Variants in CAMK4 observed in about 807,000 individuals in gnomAD.
The protein encoded by CAMK4 is calcium/calmodulin-dependent protein kinase type IV.
A neutral mutation model predicts 44.9 loss-of-function variants in CAMK4; 22 were observed. The observed-to-expected ratio is 0.49, with a 90% confidence interval of 0.35 to 0.70. The LOEUF (loss-of-function observed/expected upper bound fraction) is 0.70, where lower values mean the gene tolerates loss of function less well. Among genes scored for constraint, CAMK4 ranks in the 30% least tolerant of loss-of-function variants. The pLI is 0.01. For synonymous variants in CAMK4, 218 were observed against 215.4 expected, an observed-to-expected ratio of 1.01 and a Z score of -0.11; for missense variants, 498 against 586.8, an observed-to-expected ratio of 0.85 and a Z score of 1.56.
chr5:111,230,111 G>A (rs1444203926), intron 1 of CAMK4, among the ~76,000 whole-genome samples: 2 of 152,106 alleles, frequency 1.3e-5, no homozygotes, highest in Non-Finnish European at 2.9e-5. Context: ...AGTGACCCTA[G>A]GATAAGGAGA....
At chr5:111,253,270 G>C (rs1749598649) in intron 1 of CAMK4, among the ~76,000 whole-genome samples, 1 of 152,170 alleles carries the variant, frequency 6.6e-6, no homozygotes, top group Non-Finnish European at 1.5e-5. Context: ...GGACCTTCGG[G>C]TTCTGGCAGC....
At chr5:111,401,229 C>T (rs1008314194) in intron 5 of CAMK4, among the ~76,000 whole-genome samples, 2 of 152,124 alleles carry the variant, frequency 1.3e-5, no homozygotes, top group African/African-American at 4.8e-5. Context: ...AGCTCTGCCT[C>T]CTGGGTTCAA....
chr5:111,287,953 G>A (rs899068580), intron 1 of CAMK4, among the ~76,000 whole-genome samples: 3 of 152,244 alleles, frequency 2.0e-5, no homozygotes, highest in East Asian at 1.9e-4. Flanking sequence ...TATCCCTTTC[G>A]TTTTTATGGT....
chr5:111,317,201 G>A (rs1231471283), intron 1 of CAMK4, among the ~76,000 whole-genome samples: 1 of 152,062 alleles, frequency 6.6e-6, no homozygotes, highest in African/African-American at 2.4e-5. Context: ...GAAATTATAG[G>A]TCAGGCTAAT....
rs1002323080 is a variant in CAMK4 at position 111,487,739 on chromosome 5, A to G, written c.*3273A>G. 2.0e-5 allele frequency: 3 copies of G among 152,180 alleles called. No homozygotes were observed. Among genetic ancestry groups the G allele is most frequent in the Non-Finnish European group, 2.9e-5 (2 of 68,024 alleles). The allele number at this position is 152,180 out of a possible 1,614,324, so 9.4% of individuals were successfully genotyped here. On this transcript the variant is annotated 3_prime_UTR_variant, in exon 11 of 11. Coordinates refer to ENST00000282356, the MANE Select transcript of CAMK4 (RefSeq NM_001744.6). ...TAGTCACATGTGGCTAGTGGCTACC[A>G]TATTAGACAGCACTAGTCTAGAGTA... is the stretch of plus-strand genomic sequence containing the variant.
chr5:111,399,033 A>C (rs1752125221), intron 5 of CAMK4, among the ~76,000 whole-genome samples: 1 of 152,126 alleles, frequency 6.6e-6, no homozygotes, highest in Admixed American at 6.6e-5. Flanking sequence ...TAAATCATAC[A>C]TCAATTATAT....
In CAMK4 at chr5:111,290,535, G is replaced by C. The variant is rs1274113206; in HGVS notation, c.162-53489G>C. Reference sequence around the variant, plus strand: ...AATCCATGGGACTATCCCCTGAGAAGTCTTATAAACTGCTGCTCAGAACCA... The same window carrying C: ...AATCCATGGGACTATCCCCTGAGAACTCTTATAAACTGCTGCTCAGAACCA... On this transcript the variant is annotated intron_variant, in intron 1 of 10. Transcript: ENST00000282356. The surrounding 1 kb of genome is among the most constrained non-coding windows in gnomAD (Gnocchi z 4.5). Among the ~76,000 whole-genome samples the C allele has an allele frequency of 6.6e-6, 1 of 152,190 alleles. No individual in the cohort carries two copies. Among genetic ancestry groups the C allele is most frequent in the Non-Finnish European group, 1.5e-5 (1 of 68,044 alleles).
At chr5:111,319,943 T>C (rs1748588191) in intron 1 of CAMK4, among the ~76,000 whole-genome samples, 1 of 152,120 alleles carries the variant, frequency 6.6e-6, no homozygotes, top group Admixed American at 6.6e-5. Context: ...TAGGCATGTA[T>C]GTGAATCAAC....
At chr5:111,348,126 G>T (rs1014861531) in intron 2 of CAMK4, among the ~76,000 whole-genome samples, 5 of 151,766 alleles carry the variant, frequency 3.3e-5, no homozygotes, top group African/African-American at 4.8e-5. Context: ...TTTTTCCATG[G>T]GAGTTTACCC....
At chr5:111,377,025 C>G (rs1194771130) in intron 4 of CAMK4, 83 bp downstream of exon 4, 1 of 822,574 alleles carries the variant, frequency 1.2e-6, no homozygotes, top group African/African-American at 1.7e-5. Flanking sequence ...TCTCCTGAAA[C>G]TTTTTATAAT....
At chr5:111,439,009 A>G (rs1301529122) in intron 5 of CAMK4, among the ~76,000 whole-genome samples, 1 of 152,200 alleles carries the variant, frequency 6.6e-6, no homozygotes, top group Non-Finnish European at 1.5e-5. Context: ...TGCCTCTTAA[A>G]GGGTCATGCT....
At chr5:111,344,724 C>T (rs1749798856) in intron 2 of CAMK4, among the ~76,000 whole-genome samples, 2 of 151,676 alleles carry the variant, frequency 1.3e-5, no homozygotes, top group South Asian at 4.1e-4. Context: ...GCCCTACACT[C>T]ATAGATAAGC....
intron 1 of CAMK4, among the ~76,000 whole-genome samples, chr5:111,265,160 T>A (rs1487375264): frequency 6.6e-6 from 1 of 152,184 alleles, no homozygotes; most frequent in Non-Finnish European, 1.5e-5. Flanking sequence ...TTATATACTC[T>A]GCTATAACCC....
At chr5:111,452,290 C>A (rs31317) in intron 7 of CAMK4, among the ~76,000 whole-genome samples, 8,143 of 152,192 alleles carry the variant, frequency 0.054, 298 homozygotes, top group Non-Finnish European at 0.082. Context: ...TTAGAAAGGT[C>A]GGATGGACCA....
intron 1 of CAMK4, among the ~76,000 whole-genome samples, chr5:111,270,961 C>G (rs1750485631): frequency 6.6e-6 from 1 of 152,142 alleles, no homozygotes; most frequent in Non-Finnish European, 1.5e-5. Flanking sequence ...GAAGGGGAAA[C>G]TGGCACCTTC....
chr5:111,396,731 C>G (rs1752027569), intron 5 of CAMK4, among the ~76,000 whole-genome samples: 1 of 146,340 alleles, frequency 6.8e-6, no homozygotes, highest in East Asian at 2.0e-4. Flanking sequence ...ACCTCTGCCT[C>G]CCAGGTTGAA....
chr5:111,477,984 T>G (rs566440632), intron 8 of CAMK4, among the ~76,000 whole-genome samples: 1 of 152,210 alleles, frequency 6.6e-6, no homozygotes, highest in Admixed American at 6.5e-5. Flanking sequence ...CTATTCAATC[T>G]CTGTCTGCCT....
intron 5 of CAMK4, among the ~76,000 whole-genome samples, chr5:111,410,632 A>G (rs1054904056): frequency 3.9e-5 from 6 of 152,196 alleles, no homozygotes; most frequent in Admixed American, 1.3e-4. Flanking sequence ...CTTAGGGAAT[A>G]AAGTTCTGTT....
At chr5:111,310,032 C>T (rs1309752807) in intron 1 of CAMK4, among the ~76,000 whole-genome samples, 2 of 152,148 alleles carry the variant, frequency 1.3e-5, no homozygotes, top group African/African-American at 4.8e-5. Context: ...TTTCTACAAC[C>T]TGAGGAGAGT....
Sources: allele counts gnomAD v4.1 joint callset (sites outside exome capture counted in the v4.1 genomes callset), GRCh38; gene constraint gnomAD v4.1.1; non-coding constraint Gnocchi (gnomAD v3.1); transcripts MANE v1.5; gene names NCBI Gene and HGNC (gene_info 2026-07-23, HGNC 2026-07-21).